CCDC7: variants seen among roughly 807,000 people sequenced by gnomAD.
CCDC7 encodes coiled-coil domain-containing protein 7.
A neutral mutation model predicts 196.9 loss-of-function variants in CCDC7; 183 were observed. The ratio of observed to expected loss-of-function variants is 0.93; its 90% CI spans 0.82 to 1.05. CCDC7 has a LOEUF of 1.05. Among genes scored for constraint, CCDC7 ranks in the 50% least tolerant of loss-of-function variants. The probability of loss-of-function intolerance (pLI) is 0.00; values close to 1 mark genes in which losing one functional copy is unlikely to be tolerated. For synonymous variants in CCDC7, 525 were observed against 484.6 expected (o/e 1.08, Z -1.10); for missense variants, 1,540 against 1,482.2 (o/e 1.04, Z -0.64).
At chr10:32,662,309 C>T (rs2071647804) in intron 20 of CCDC7, among the ~76,000 whole-genome samples, 1 of 152,170 alleles carries the variant, frequency 6.6e-6, no homozygotes, top group African/African-American at 2.4e-5. Context: ...GAAGTTAAAA[C>T]CAGATACTGT....
chr10:32,814,280 A>G, intron 30 of CCDC7, 90 bp from the exon 32 acceptor site: 1 of 913,712 alleles, frequency 1.1e-6, no homozygotes, highest in Admixed American at 1.9e-5. Flanking sequence ...AGTTAGTAAC[A>G]CACACACATA....
At chr10:32,765,122 C>G (rs2078067079) in intron 28 of CCDC7, among the ~76,000 whole-genome samples, 1 of 151,836 alleles carries the variant, frequency 6.6e-6, no homozygotes, top group Non-Finnish European at 1.5e-5. Flanking sequence ...GTTTACAGAC[C>G]CAGGACCCCT....
At chr10:32,776,677 T>A (rs1001593275) in intron 28 of CCDC7, among the ~76,000 whole-genome samples, 2 of 152,200 alleles carry the variant, frequency 1.3e-5, no homozygotes, top group Non-Finnish European at 2.9e-5. Context: ...ACTTCAAAAG[T>A]ACTTAGTATA....
intron 13 of CCDC7, among the ~76,000 whole-genome samples, chr10:32,562,985 CA>C (rs1564660507): frequency 1.3e-5 from 2 of 152,150 alleles, no homozygotes; most frequent in African/African-American, 4.8e-5. Context: ...GTGCAAAAAT[CA>C]CAGGCATTCT....
intron 28 of CCDC7, among the ~76,000 whole-genome samples, chr10:32,756,746 A>G (rs1263819543): frequency 6.6e-6 from 1 of 152,246 alleles, no homozygotes; most frequent in South Asian, 2.1e-4. Flanking sequence ...AAATTCACAC[A>G]TAACAGTATT....
chr10:32,660,666 G>C (rs1277182659), intron 20 of CCDC7, among the ~76,000 whole-genome samples: 1 of 151,888 alleles, frequency 6.6e-6, no homozygotes, highest in Non-Finnish European at 1.5e-5. Context: ...GGGTCAAATG[G>C]TATTTCCAGT....
chr10:32,758,233 C>T (rs759911530), intron 28 of CCDC7, among the ~76,000 whole-genome samples: 19 of 152,124 alleles, frequency 1.2e-4, no homozygotes, highest in Non-Finnish European at 2.6e-4. Context: ...AGAGGGAATC[C>T]TCCCCAACTC....
intron 29 of CCDC7, among the ~76,000 whole-genome samples, chr10:32,791,321 T>C (rs1436856540): frequency 6.7e-6 from 1 of 150,072 alleles, no homozygotes; most frequent in Non-Finnish European, 1.5e-5. Context: ...CACAGGTACA[T>C]AAGAATCATA....
Position 32,635,169 on chromosome 10 carries a change from A to C in CCDC7, c.2014+11A>C. The C allele has an allele frequency of 2.5e-6, 1 of 398,458 alleles. No homozygotes were observed. Among genetic ancestry groups the C allele is most frequent in the Non-Finnish European group, 4.4e-6 (1 of 225,764 alleles). The allele number at this position is 398,458 out of a possible 1,614,324, so 24.7% of individuals were successfully genotyped here. ...ATGAGAGTTTTCATTGTAAGTAGTAAGTTTAAAATGTTATAAAATTATTTT... is the reference window on the plus strand; with the variant it reads ...ATGAGAGTTTTCATTGTAAGTAGTACGTTTAAAATGTTATAAAATTATTTT... On this transcript the variant is annotated intron_variant, in intron 20 of 41. Transcript: ENST00000639629.
intron 8 of CCDC7, among the ~76,000 whole-genome samples, chr10:32,477,354 C>T (rs1017233334): frequency 6.6e-6 from 1 of 152,148 alleles, no homozygotes; most frequent in South Asian, 2.1e-4. Flanking sequence ...AGGCGTGCGC[C>T]ACCACGCCCG....
At chr10:32,720,381 A>G (rs1488187593) in intron 25 of CCDC7, among the ~76,000 whole-genome samples, 1 of 151,626 alleles carries the variant, frequency 6.6e-6, no homozygotes, top group African/African-American at 2.4e-5. Context: ...ATGAGAACAT[A>G]TGGGCACAGG....
In CCDC7 at chr10:32,711,636, A is replaced by AG. The variant is rs768098136; in HGVS notation, c.2477dup (p.Glu827Ter). The AG allele has an allele frequency of 8.2e-6, 13 of 1,585,450 alleles. No individual in the cohort carries two copies. The highest frequency in any genetic ancestry group is 1.1e-5 in the Non-Finnish European group (13 of 1,168,422). On this transcript the variant is annotated frameshift_variant, in exon 25 of 42. Transcript: ENST00000639629. LOFTEE classifies it high-confidence loss of function. ...TTAACATAGCTCATGATGAAGAATC[A>AG]GGTGAAAATCCTATGCTTAAACATC...
intron 28 of CCDC7, among the ~76,000 whole-genome samples, chr10:32,741,503 G>C (rs774420819): frequency 6.6e-5 from 10 of 152,136 alleles, no homozygotes; most frequent in Non-Finnish European, 1.3e-4. Context: ...AGTTGGCCCT[G>C]TGGAACTTGT....
At chr10:32,681,046 A>G (rs2075787626) in intron 21 of CCDC7, among the ~76,000 whole-genome samples, 1 of 152,198 alleles carries the variant, frequency 6.6e-6, no homozygotes, top group Admixed American at 6.5e-5. Flanking sequence ...GGAGAGCCCC[A>G]TCAGTCTCCA....
At chr10:32,661,441 G>C (rs1208145440) in intron 20 of CCDC7, among the ~76,000 whole-genome samples, 3 of 152,158 alleles carry the variant, frequency 2.0e-5, no homozygotes, top group Non-Finnish European at 4.4e-5. Flanking sequence ...TTCTTAAGCA[G>C]AGGGAGTTTC....
At chr10:32,622,236 C>T (rs992138931) in intron 18 of CCDC7, among the ~76,000 whole-genome samples, 4 of 152,252 alleles carry the variant, frequency 2.6e-5, no homozygotes, top group Admixed American at 6.5e-5. Context: ...AACATTGGAC[C>T]CATAGAGTCC....
At chr10:32,524,771 T>A (rs2048403157) in intron 11 of CCDC7, among the ~76,000 whole-genome samples, 1 of 152,184 alleles carries the variant, frequency 6.6e-6, no homozygotes, top group Admixed American at 6.5e-5. Flanking sequence ...CTATTGTATG[T>A]TATTTGTTTC....
At chr10:32,587,888 A>G (rs2059436996) in intron 18 of CCDC7, among the ~76,000 whole-genome samples, 1 of 152,226 alleles carries the variant, frequency 6.6e-6, no homozygotes, top group Non-Finnish European at 1.5e-5. Context: ...GTTTGAATGT[A>G]TACCCTAAAA....
intron 13 of CCDC7, among the ~76,000 whole-genome samples, chr10:32,545,891 G>A (rs2052361258): frequency 9.0e-6 from 1 of 111,614 alleles, no homozygotes; most frequent in South Asian, 3.2e-4. Flanking sequence ...GGGCAACAGA[G>A]CAAAACTCCG....
Sources: gnomAD v4.1 joint callset for allele counts (sites outside exome capture counted in the v4.1 genomes callset) on GRCh38, gnomAD v4.1.1 for gene constraint, MANE v1.5 for transcripts, NCBI Gene and HGNC (gene_info 2026-07-23, HGNC 2026-07-21) for gene names.